Variants in STK3 observed in about 807,000 individuals in gnomAD.
STK3 encodes the protein serine/threonine kinase 3.
A neutral mutation model predicts 58.0 loss-of-function variants in STK3; 41 were observed. The observed-to-expected ratio is 0.71, with a 90% CI of 0.55 to 0.92. The LOEUF is 0.92. STK3 is among the 40% of genes least tolerant of loss of function. The pLI is 0.00. For synonymous variants in STK3, 170 were observed against 191.0 expected (o/e 0.89, Z 0.91); for missense variants, 479 against 602.7 (o/e 0.79, Z 2.15).
chr8:98,658,128 T>C (rs1425623653), intron 6 of STK3, among the ~76,000 whole-genome samples: 1 of 151,998 alleles, frequency 6.6e-6, no homozygotes, highest in African/African-American at 2.4e-5. Flanking sequence ...CATATGAATT[T>C]GTATGATGGC....
chr8:98,405,053 G>A (rs1817980233), intron 3 of STK3, among the ~76,000 whole-genome samples: 1 of 151,912 alleles, frequency 6.6e-6, no homozygotes, highest in Non-Finnish European at 1.5e-5. Flanking sequence ...TTTCAGTTTG[G>A]GTGAAAAAAA....
intron 6 of STK3, among the ~76,000 whole-genome samples, chr8:98,629,497 A>G (rs1399852001): frequency 6.6e-6 from 1 of 152,222 alleles, no homozygotes; most frequent in Non-Finnish European, 1.5e-5. Flanking sequence ...AACATGGTCA[A>G]AAGTTTACTA....
intron 1 of STK3, among the ~76,000 whole-genome samples, chr8:98,929,712 T>G (rs1051516966): frequency 6.6e-6 from 1 of 152,236 alleles, no homozygotes; most frequent in African/African-American, 2.4e-5. Flanking sequence ...GCCAGCCTCT[T>G]GGTCTCCCTT....
chr8:98,798,751 A>T (rs1833337224), intron 1 of STK3, among the ~76,000 whole-genome samples: 1 of 152,198 alleles, frequency 6.6e-6, no homozygotes, highest in Admixed American at 6.5e-5. Flanking sequence ...TTGAGGTTAT[A>T]GTGAGCTATG....
intron 6 of STK3, among the ~76,000 whole-genome samples, chr8:98,657,558 T>C (rs548776553): frequency 1.8e-4 from 27 of 152,174 alleles, no homozygotes; most frequent in African/African-American, 6.5e-4. Context: ...AAAATAGATA[T>C]AAATACATTA....
chr8:98,678,521 C>A (rs1316841162), intron 6 of STK3, among the ~76,000 whole-genome samples: 2 of 151,908 alleles, frequency 1.3e-5, no homozygotes, highest in African/African-American at 4.8e-5. Flanking sequence ...AACAAAGAAA[C>A]CATACATTTT....
chr8:98,640,930 T>C (rs905456089), intron 6 of STK3, among the ~76,000 whole-genome samples: 25 of 151,086 alleles, frequency 1.7e-4, no homozygotes, highest in African/African-American at 5.6e-4. Context: ...TTTATACTAC[T>C]ATATTTATAT....
At chr8:98,796,841 A>T (rs900957588) in intron 1 of STK3, among the ~76,000 whole-genome samples, 21 of 152,240 alleles carry the variant, frequency 1.4e-4, no homozygotes, top group African/African-American at 4.3e-4. Flanking sequence ...AAGTAGCCAA[A>T]CATATGAAAA....
intron 1 of STK3, among the ~76,000 whole-genome samples, chr8:98,912,282 G>C (rs958785543): frequency 3.3e-5 from 5 of 152,128 alleles, no homozygotes; most frequent in African/African-American, 1.2e-4. Context: ...GGAGGCTGAG[G>C]CAGGAGAATT....
intron 9 of STK3, 144 bp downstream of exon 9, chr8:98,547,825 C>T (rs1173844437): frequency 2.1e-5 from 13 of 605,086 alleles, no homozygotes; most frequent in Admixed American, 4.2e-5. Flanking sequence ...TGACTTGTGC[C>T]ATACTCTTTT....
At chr8:98,538,581 C>T (rs555766001) in intron 9 of STK3, among the ~76,000 whole-genome samples, 1 of 152,154 alleles carries the variant, frequency 6.6e-6, no homozygotes, top group Admixed American at 6.5e-5. Context: ...AAAATTGAAG[C>T]CCAAAGATTT....
At position 98,841,136 on chromosome 8, in the gene STK3, G is replaced by A. The variant is rs369922954; in HGVS notation, c.110+42511C>T. On this transcript the variant is annotated intron_variant, in intron 3 of 12. Transcript: ENST00000523601. ...GAGAGCAAGCAAAATGGAAGTCACA[G>A]TCTTTTGCAACCTAATCAGAGAAGT... is the stretch of plus-strand genomic sequence containing the variant. Among the ~76,000 whole-genome samples the A allele has an allele frequency of 5.8e-4, 89 of 152,320 alleles. 2 individuals are homozygous for A. The South Asian group carries it at 0.015, about 25-fold the overall frequency.
chr8:98,777,281 CT>C (rs1831757020), intron 1 of STK3, among the ~76,000 whole-genome samples: 1 of 152,152 alleles, frequency 6.6e-6, no homozygotes, highest in Non-Finnish European at 1.5e-5. Context: ...TATTCCAGCA[CT>C]TTGGGAGGCC....
chr8:98,870,462 G>C (rs995659292), intron 3 of STK3, among the ~76,000 whole-genome samples: 27 of 152,218 alleles, frequency 1.8e-4, no homozygotes, highest in African/African-American at 6.0e-4. Context: ...CCCACCAACA[G>C]TGTAAAAGTG....
At chr8:98,723,848 T>C (rs1211356388) in intron 4 of STK3, among the ~76,000 whole-genome samples, 3 of 152,116 alleles carry the variant, frequency 2.0e-5, no homozygotes, top group Non-Finnish European at 2.9e-5. Flanking sequence ...ACACAGTCTT[T>C]TAAGGCCTGG....
intron 6 of STK3, among the ~76,000 whole-genome samples, chr8:98,602,894 C>T (rs1325615596): frequency 6.8e-6 from 1 of 147,764 alleles, no homozygotes; most frequent in Non-Finnish European, 1.5e-5. Flanking sequence ...AAAAAAAAGC[C>T]TAAGAACTTG....
At chr8:98,506,063 C>G (rs562806531) in intron 10 of STK3, among the ~76,000 whole-genome samples, 1 of 152,340 alleles carries the variant, frequency 6.6e-6, no homozygotes, top group East Asian at 1.9e-4. Flanking sequence ...CCAGTTTGAG[C>G]TTCCCAGGCT....
intron 3 of STK3, among the ~76,000 whole-genome samples, chr8:98,424,075 A>G (rs1204422571): frequency 6.6e-6 from 1 of 152,250 alleles, no homozygotes; most frequent in East Asian, 1.9e-4. Context: ...CTTCCCCGGT[A>G]TGGAAGGAGG....
At chr8:98,688,382 A>T (rs925141782) in intron 6 of STK3, among the ~76,000 whole-genome samples, 4 of 152,196 alleles carry the variant, frequency 2.6e-5, no homozygotes, top group African/African-American at 9.7e-5. Context: ...AAAACTAACA[A>T]AGAAATTCTG....
Sources: gnomAD v4.1 joint callset for allele counts (sites outside exome capture counted in the v4.1 genomes callset) on GRCh38, gnomAD v4.1.1 for gene constraint, MANE v1.5 for transcripts, NCBI Gene and HGNC (gene_info 2026-07-23, HGNC 2026-07-21) for gene names.